The following VPS50 variants were observed in gnomAD, a reference collection of about 807,000 sequenced individuals.
VPS50 encodes the protein VPS50 subunit of EARP/GARPII complex, also known as syndetin.
A neutral mutation model predicts 139.7 loss-of-function variants in VPS50; 70 were observed. The ratio of observed to expected loss-of-function variants is 0.50; its 90% CI spans 0.41 to 0.61. The LOEUF (loss-of-function observed/expected upper bound fraction) is 0.61, where lower values mean the gene tolerates loss of function less well. Among genes scored for constraint, VPS50 ranks in the 20% least tolerant of loss-of-function variants. The pLI is 0.00. For missense variants in VPS50, 921 were observed against 1,133.7 expected (o/e 0.81, Z 2.69); for synonymous variants, 365 against 376.7 (o/e 0.97, Z 0.36).
intron 17 of VPS50, 84 bp from the exon 18 acceptor site, chr7:93,305,742 ACT>A (rs912149535): frequency 2.0e-4 from 183 of 908,348 alleles, no homozygotes; most frequent in Admixed American, 1.3e-3. Flanking sequence ...TTTTCTACTA[ACT>A]CTACATGTAT....
intron 21 of VPS50, among the ~76,000 whole-genome samples, chr7:93,329,927 T>C (rs948606956): frequency 6.6e-6 from 1 of 152,178 alleles, no homozygotes; most frequent in African/African-American, 2.4e-5. Context: ...AGGGGAATGA[T>C]AACACATGAA....
chr7:93,347,258 A>T (rs1268184350), intron 23 of VPS50, among the ~76,000 whole-genome samples: 1 of 141,146 alleles, frequency 7.1e-6, no homozygotes, highest in Non-Finnish European at 1.5e-5. Flanking sequence ...GAGAAATGCA[A>T]ATCAAAACCA....
intron 21 of VPS50, among the ~76,000 whole-genome samples, chr7:93,325,612 C>A (rs1238582407): frequency 6.6e-6 from 1 of 152,038 alleles, no homozygotes; most frequent in Non-Finnish European, 1.5e-5. Context: ...AAGAAAAAAA[C>A]AACCCCATCA....
chr7:93,250,755 G>A (rs1026923027), intron 2 of VPS50, among the ~76,000 whole-genome samples: 4 of 152,066 alleles, frequency 2.6e-5, no homozygotes, highest in African/African-American at 9.7e-5. Context: ...GAGTGAAAAG[G>A]CAACCTACAG....
chr7:93,232,406 TGTAGTGGCTCG>T lies in VPS50; in HGVS notation c.-59_-49del. ...GGCTTCCTAGTGTCAGGGCCAGCTG[TGTAGTGGCTCG>T]GTGTGATTTGTTAGCTCTTTGAGGC... On this transcript the variant is annotated 5_prime_UTR_variant, in exon 1 of 28. Transcript: ENST00000305866. The T allele has an allele frequency of 7.1e-7, 1 of 1,407,608 alleles. No individual in the cohort carries two copies. The highest frequency in any genetic ancestry group is 1.0e-6 in the Non-Finnish European group (1 of 992,514). 87.2% of individuals were successfully genotyped at this position (1,407,608 alleles called of 1,614,324 possible).
intron 4 of VPS50, among the ~76,000 whole-genome samples, chr7:93,254,905 AAGGAAGGTATACTTTTCTATTACACTC>A: frequency 6.6e-6 from 1 of 152,322 alleles, no homozygotes; most frequent in Non-Finnish European, 1.5e-5. Flanking sequence ...CTGTCAAACA[AAGGAAGGTATACTTTTCTATTACACTC>A]AGAAGTCTCA....
At chr7:93,286,990 GTTGT>G (rs1371323011) in intron 12 of VPS50, among the ~76,000 whole-genome samples, 2 of 129,232 alleles carry the variant, frequency 1.5e-5, no homozygotes, top group African/African-American at 6.9e-5. Flanking sequence ...TGTTGAAAAC[GTTGT>G]TTTTTTTTTT....
At chr7:93,300,647 C>A (rs937378352) in intron 16 of VPS50, among the ~76,000 whole-genome samples, 7 of 151,880 alleles carry the variant, frequency 4.6e-5, no homozygotes, top group Non-Finnish European at 1.0e-4. Flanking sequence ...AAATTCTACC[C>A]CAGCTCATGA....
chr7:93,308,327 C>A (rs572697517), intron 18 of VPS50, among the ~76,000 whole-genome samples: 8 of 151,810 alleles, frequency 5.3e-5, no homozygotes, highest in African/African-American at 1.9e-4. Flanking sequence ...GTGTTCTAAG[C>A]TTAATTTTCT....
At chr7:93,314,297 A>G (rs186141998) in intron 20 of VPS50, among the ~76,000 whole-genome samples, 1 of 152,330 alleles carries the variant, frequency 6.6e-6, no homozygotes, top group Admixed American at 6.5e-5. Flanking sequence ...GTCCTTTTCA[A>G]GTAGTATTTA....
chr7:93,260,086 T>C (rs1795619966), intron 9 of VPS50, among the ~76,000 whole-genome samples: 1 of 152,210 alleles, frequency 6.6e-6, no homozygotes, highest in Non-Finnish European at 1.5e-5. Context: ...ATGGTTTCAA[T>C]TTATATAATA....
At chr7:93,326,521 A>C (rs950071592) in intron 21 of VPS50, among the ~76,000 whole-genome samples, 2 of 151,494 alleles carry the variant, frequency 1.3e-5, no homozygotes, top group Non-Finnish European at 2.9e-5. Flanking sequence ...AAAAATAATG[A>C]AAAATATTTA....
intron 9 of VPS50, among the ~76,000 whole-genome samples, chr7:93,263,595 ACT>A (rs1267579205): frequency 6.6e-6 from 1 of 152,060 alleles, no homozygotes; most frequent in African/African-American, 2.4e-5. Flanking sequence ...TAGAGTGCAA[ACT>A]CTCTAAGGAG....
intron 4 of VPS50, among the ~76,000 whole-genome samples, chr7:93,255,661 C>A (rs929295290): frequency 6.6e-6 from 1 of 152,204 alleles, no homozygotes; most frequent in Non-Finnish European, 1.5e-5. Flanking sequence ...TGGAATCCCT[C>A]TTTCTAGACA....
chr7:93,235,125 CTG>C (rs1794761943), intron 1 of VPS50, among the ~76,000 whole-genome samples: 1 of 152,024 alleles, frequency 6.6e-6, no homozygotes, highest in Non-Finnish European at 1.5e-5. Context: ...GAAGTGAACT[CTG>C]TGAGGTAGAT....
chr7:93,311,133 T>G, intron 19 of VPS50, 33 bp from the exon 20 acceptor site: 1 of 880,632 alleles, frequency 1.1e-6, no homozygotes, highest in Non-Finnish European at 2.0e-6. Context: ...ACTTGACAAC[T>G]CTAGCAACTC....
intron 11 of VPS50, chr7:93,273,435 G>A (rs748014015): frequency 6.6e-5 from 10 of 151,864 alleles, no homozygotes; most frequent in Admixed American, 5.3e-4. Flanking sequence ...TTAAGATTTT[G>A]CTAAACAATT....
intron 13 of VPS50, among the ~76,000 whole-genome samples, chr7:93,292,411 T>TA (rs1796677326): frequency 6.6e-6 from 1 of 152,166 alleles, no homozygotes; most frequent in Non-Finnish European, 1.5e-5. Flanking sequence ...TTATTGTATT[T>TA]ATTAATCATT....
intron 12 of VPS50, among the ~76,000 whole-genome samples, chr7:93,287,932 G>A (rs80148676): frequency 0.016 from 2,430 of 152,152 alleles, 73 homozygotes; most frequent in African/African-American, 0.053. Context: ...CTGTTCTCAC[G>A]CTGCTAATAA....
Sources: gnomAD v4.1 joint callset for allele counts (sites outside exome capture counted in the v4.1 genomes callset) on GRCh38, gnomAD v4.1.1 for gene constraint, MANE v1.5 for transcripts, NCBI Gene and HGNC (gene_info 2026-07-23, HGNC 2026-07-21) for gene names.